The following PDE10A variants were observed in gnomAD, a reference collection of about 807,000 sequenced individuals.
PDE10A encodes the protein cAMP and cAMP-inhibited cGMP 3',5'-cyclic phosphodiesterase 10A.
A neutral mutation model predicts 97.7 loss-of-function variants in PDE10A; 39 were observed. The observed-to-expected ratio is 0.40, with a 90% confidence interval of 0.31 to 0.52. The LOEUF (loss-of-function observed/expected upper bound fraction) is 0.52. Among genes scored for constraint, PDE10A ranks in the 20% least tolerant of loss-of-function variants. The pLI is 0.56. For missense variants in PDE10A, 731 were observed against 1,047.8 expected (o/e 0.70, Z 4.17); for synonymous variants, 371 against 376.8 (o/e 0.98, Z 0.18).
chr6:165,498,469 A>T (rs574069533), intron 2 of PDE10A, among the ~76,000 whole-genome samples: 1 of 132,540 alleles, frequency 7.5e-6, no homozygotes, highest in African/African-American at 2.8e-5. Flanking sequence ...AAAAAAAATC[A>T]GTAACAGAGT....
rs533149904 is a variant in PDE10A at position 165,738,541 on chromosome 6, C to A, written c.-614-194973G>T. Among the ~76,000 whole-genome samples the A allele has an allele frequency of 2.6e-5, 4 of 152,102 alleles. No homozygotes were observed. The East Asian group carries it at 5.8e-4, about 22-fold the overall frequency. On this transcript the variant is annotated intron_variant, in intron 1 of 19. Transcript: ENST00000366882. ...GGGTATATACCCAGTAATGGGATGG[C>A]TGGATCAAATGGTATTTCTAGTTCT...
upstream of PDE10A, among the ~76,000 whole-genome samples, chr6:165,663,512 C>A (rs1437889980): frequency 3.9e-5 from 6 of 152,224 alleles, no homozygotes; most frequent in East Asian, 1.9e-4. Flanking sequence ...TCGGCCTGCC[C>A]GTTGCCCGAG....
At chr6:165,927,678 A>ATATATATATATATATAT (rs1562801740) in intron 1 of PDE10A, among the ~76,000 whole-genome samples, 6 of 118,516 alleles carry the variant, frequency 5.1e-5, no homozygotes, top group African/African-American at 1.4e-4. Context: ...ATATATATAT[A>ATATATATATATATATAT]GTTTTTTGTT....
At chr6:165,590,881 ACT>A (rs1292807002) in intron 1 of PDE10A, among the ~76,000 whole-genome samples, 1 of 152,090 alleles carries the variant, frequency 6.6e-6, no homozygotes, top group African/African-American at 2.4e-5. Flanking sequence ...ACAGAGCGAG[ACT>A]CTGTCTCAAA....
chr6:165,981,313 A>G lies in PDE10A; in HGVS notation c.-615+6216T>C, dbSNP rs565102867. 2.0e-5 allele frequency among the ~76,000 whole-genome samples: 3 copies of G among 151,780 alleles called. No individual in the cohort carries two copies. In the South Asian group the frequency reaches 6.3e-4, roughly 32 times the overall value. On this transcript the variant is annotated intron_variant, in intron 1 of 19. Coordinates refer to the PDE10A transcript ENST00000366882. ...TTCCTCTCCCCACACTTTCAGATGA[A>G]TAATTACCCCTCATTTGGTTCCTTT... is the stretch of plus-strand genomic sequence containing the variant.
At chr6:165,650,029 C>CA (rs1159299666) in intron 1 of PDE10A, among the ~76,000 whole-genome samples, 3 of 152,238 alleles carry the variant, frequency 2.0e-5, no homozygotes, top group East Asian at 1.9e-4. Flanking sequence ...GTGATGCGTG[C>CA]AATTTTTTTA....
chr6:165,872,458 C>A (rs1205491994), intron 1 of PDE10A, among the ~76,000 whole-genome samples: 1 of 152,112 alleles, frequency 6.6e-6, no homozygotes, highest in South Asian at 2.1e-4. Context: ...TCAGCAGTAT[C>A]CTCTTCCTTC....
At chr6:165,772,649 CATT>C (rs1203777161) in intron 1 of PDE10A, among the ~76,000 whole-genome samples, 3 of 152,068 alleles carry the variant, frequency 2.0e-5, no homozygotes, top group Non-Finnish European at 4.4e-5. Context: ...TGATTATTGT[CATT>C]GTATATTTTA....
rs558186621 is a variant in PDE10A, at chr6:165,799,696, G to A, written c.-615+187833C>T. Among the ~76,000 whole-genome samples, 8 of 152,162 alleles carry A rather than the reference G, an allele frequency of 5.3e-5. No individual in the cohort carries two copies. The South Asian group carries it at 6.2e-4, about 12-fold the overall frequency. On this transcript the variant is annotated intron_variant, in intron 1 of 19. Coordinates refer to the PDE10A transcript ENST00000366882. ...GACACTGTCTACTTAAACTTTAACC[G>A]TCTTCAGAAATTTTTTAGACTTATA...
intron 3 of PDE10A, among the ~76,000 whole-genome samples, chr6:165,480,210 CG>C (rs1779524673): frequency 1.3e-5 from 2 of 152,072 alleles, no homozygotes; most frequent in African/African-American, 4.8e-5. Flanking sequence ...GGTTTGGATA[CG>C]AAATAAAAGT....
chr6:165,919,562 C>T (rs1226003621), intron 1 of PDE10A, among the ~76,000 whole-genome samples: 2 of 151,650 alleles, frequency 1.3e-5, no homozygotes, highest in Non-Finnish European at 2.9e-5. Flanking sequence ...CTGCTGTATC[C>T]TCCTTCTTGT....
intron 1 of PDE10A, among the ~76,000 whole-genome samples, chr6:165,954,877 C>T (rs1405342523): frequency 1.3e-5 from 2 of 151,964 alleles, no homozygotes; most frequent in East Asian, 3.9e-4. Context: ...CAGAGACAAG[C>T]AAGGGAGAAG....
At chr6:165,907,397 T>C (rs1259530515) in intron 1 of PDE10A, among the ~76,000 whole-genome samples, 1 of 152,246 alleles carries the variant, frequency 6.6e-6, no homozygotes, top group Non-Finnish European at 1.5e-5. Context: ...AAAGAGCAGC[T>C]GCCCTTCCCG....
At chr6:165,892,471 A>G (rs2175410) in intron 1 of PDE10A, among the ~76,000 whole-genome samples, 70,985 of 152,080 alleles carry the variant, frequency 0.47, 16,805 homozygotes, top group East Asian at 0.66. Flanking sequence ...CCTGGCCACC[A>G]TGTGTGAGCC....
intron 1 of PDE10A, among the ~76,000 whole-genome samples, chr6:165,707,756 T>A (rs1017085097): frequency 2.0e-5 from 3 of 151,858 alleles, no homozygotes; most frequent in Non-Finnish European, 4.4e-5. Flanking sequence ...GGAGACTGAG[T>A]GTGTGAAAGT....
At chr6:165,657,806 C>T (rs1338301933) in intron 1 of PDE10A, among the ~76,000 whole-genome samples, 1 of 152,176 alleles carries the variant, frequency 6.6e-6, no homozygotes, top group Non-Finnish European at 1.5e-5. Context: ...TGCCCTTTGG[C>T]CTTAAGTCCT....
intron 13 of PDE10A, among the ~76,000 whole-genome samples, chr6:165,405,100 T>A (rs894451877): frequency 3.3e-5 from 5 of 151,820 alleles, no homozygotes; most frequent in Non-Finnish European, 7.4e-5. Context: ...AAAAAATGTG[T>A]GTGTATTATG....
intron 2 of PDE10A, among the ~76,000 whole-genome samples, chr6:165,510,605 G>T (rs1449246131): frequency 6.6e-6 from 1 of 151,760 alleles, no homozygotes; most frequent in Non-Finnish European, 1.5e-5. Context: ...GTGAGGACTG[G>T]TATTAGTTCA....
chr6:165,795,359 C>A (rs928562638), intron 1 of PDE10A, among the ~76,000 whole-genome samples: 1 of 152,136 alleles, frequency 6.6e-6, no homozygotes, highest in Non-Finnish European at 1.5e-5. Flanking sequence ...CCTCATCCAC[C>A]GTCGTGGTGC....
Sources: gnomAD v4.1 joint callset for allele counts (sites outside exome capture counted in the v4.1 genomes callset) on GRCh38, gnomAD v4.1.1 for gene constraint, MANE v1.5 for transcripts, NCBI Gene and HGNC (gene_info 2026-07-23, HGNC 2026-07-21) for gene names.